Variants in DLGAP2 observed in about 807,000 individuals in gnomAD.
DLGAP2 encodes the protein disks large-associated protein 2.
A neutral mutation model predicts 100.3 loss-of-function variants in DLGAP2; 26 were observed. The observed-to-expected ratio is 0.26, with a 90% CI of 0.19 to 0.36. DLGAP2 has a LOEUF of 0.36. Among genes scored for constraint, DLGAP2 ranks in the 10% least tolerant of loss-of-function variants. The probability of loss-of-function intolerance (pLI) is 1.00; values close to 1 mark genes in which losing one functional copy is unlikely to be tolerated. For synonymous variants in DLGAP2, 886 were observed against 630.1 expected, an observed-to-expected ratio of 1.41 and a Z score of -6.08; for missense variants, 1,858 against 1,453.2, an observed-to-expected ratio of 1.28 and a Z score of -4.53.
rs1821002853 is a variant in DLGAP2, at chr8:759,140, T to TTTCCCATTATCAATACCCCCGACAGCC, written c.18+21335_18+21336insGACAGCCTTCCCATTATCAATACCCCC. ...TCCCATTATCAATACCCCTGACAGC[T>TTTCCCATTATCAATACCCCCGACAGCC]TTCCCATTATCAATACCCCCCACAG... On this transcript the variant is annotated intron_variant, in intron 1 of 14. Transcript: ENST00000637795. Among the ~76,000 whole-genome samples, 3 of 9,204 alleles carry TTTCCCATTATCAATACCCCCGACAGCC rather than the reference T, an allele frequency of 3.3e-4. 1 individual carries two copies. The highest frequency in any genetic ancestry group is 1.7e-3 in the Admixed American group (1 of 580). 6.0% of individuals were successfully genotyped at this position (9,204 alleles called of 152,430 possible).
chr8:967,210 C>G (rs10100906), intron 2 of DLGAP2, among the ~76,000 whole-genome samples: 51,256 of 152,190 alleles, frequency 0.34, 10,507 homozygotes, highest in Admixed American at 0.51. Flanking sequence ...CGTTTAAACA[C>G]TTCCTTACTG....
chr8:1,673,727 G>A (rs1412979431), intron 10 of DLGAP2, among the ~76,000 whole-genome samples: 2 of 152,168 alleles, frequency 1.3e-5, no homozygotes, highest in African/African-American at 2.4e-5. Context: ...AAACAAGGAA[G>A]CAAAGATTCA....
At chr8:1,679,955 G>A (rs540110329) in intron 12 of DLGAP2, among the ~76,000 whole-genome samples, 196 of 135,942 alleles carry the variant, frequency 1.4e-3, no homozygotes, top group Middle Eastern at 6.0e-3. Context: ...ACTCCAGCCT[G>A]GGCAACAGAA....
chr8:1,003,399 C>G (rs1347486589), intron 2 of DLGAP2: 2 of 152,200 alleles, frequency 1.3e-5, no homozygotes, highest in African/African-American at 4.8e-5. Context: ...GTGCAGTGAT[C>G]CTGCCACATG....
chr8:1,237,149 C>G (rs1190029742), intron 2 of DLGAP2, among the ~76,000 whole-genome samples: 1 of 139,166 alleles, frequency 7.2e-6, no homozygotes, highest in Admixed American at 6.9e-5. Flanking sequence ...CTAGTTCTCT[C>G]ACATGGCGCC....
At chr8:1,193,290 C>T (rs963447081) in intron 2 of DLGAP2, among the ~76,000 whole-genome samples, 6 of 152,222 alleles carry the variant, frequency 3.9e-5, no homozygotes, top group Non-Finnish European at 4.4e-5. Context: ...GTCCCACCAA[C>T]AGTGTAAAAG....
intron 1 of DLGAP2, among the ~76,000 whole-genome samples, chr8:766,601 C>G (rs1023261544): frequency 1.3e-5 from 2 of 152,190 alleles, no homozygotes; most frequent in South Asian, 2.1e-4. Context: ...CAGCATTTCT[C>G]TCTGGGCAAG....
chr8:1,220,695 T>A (rs1466964338), intron 2 of DLGAP2, among the ~76,000 whole-genome samples: 1 of 152,246 alleles, frequency 6.6e-6, no homozygotes, highest in Non-Finnish European at 1.5e-5. Context: ...ACACTGTCAG[T>A]GAGATGTTAA....
At chr8:849,464 G>C (rs778499538) in intron 1 of DLGAP2, among the ~76,000 whole-genome samples, 1 of 152,188 alleles carries the variant, frequency 6.6e-6, no homozygotes, top group Non-Finnish European at 1.5e-5. Context: ...CATTTAGTTC[G>C]ATGCCTGGGA....
chr8:1,556,641 G>C (rs528802137), intron 5 of DLGAP2, among the ~76,000 whole-genome samples: 1 of 152,326 alleles, frequency 6.6e-6, no homozygotes, highest in East Asian at 1.9e-4. Context: ...GCTCAGGCCG[G>C]TGAACTGCAA....
chr8:1,417,462 A>C (rs947409805), intron 3 of DLGAP2, among the ~76,000 whole-genome samples: 1 of 152,186 alleles, frequency 6.6e-6, no homozygotes, highest in Non-Finnish European at 1.5e-5. Context: ...GTGTTCTCTT[A>C]CTGTGAAGGT....
At chr8:1,514,152 T>G (rs1310616069) in intron 4 of DLGAP2, among the ~76,000 whole-genome samples, 1 of 152,252 alleles carries the variant, frequency 6.6e-6, no homozygotes, top group Non-Finnish European at 1.5e-5. Flanking sequence ...CTGCACCCAA[T>G]TAGACATCTA....
At chr8:1,693,601 G>A (rs538454137) in intron 13 of DLGAP2, among the ~76,000 whole-genome samples, 1 of 152,260 alleles carries the variant, frequency 6.6e-6, no homozygotes, top group African/African-American at 2.4e-5. Flanking sequence ...TCACGTGCAA[G>A]GAGACATAAG....
At chr8:1,011,764 G>T (rs150157713) in intron 2 of DLGAP2, among the ~76,000 whole-genome samples, 1,319 of 77,768 alleles carry the variant, frequency 0.017, no homozygotes, top group Middle Eastern at 0.038. Flanking sequence ...GTGGGCCCTG[G>T]AATGAGGGGT....
intron 2 of DLGAP2, among the ~76,000 whole-genome samples, chr8:985,216 G>C (rs1769205736): frequency 6.6e-6 from 1 of 152,182 alleles, no homozygotes; most frequent in African/African-American, 2.4e-5. Context: ...AATGAGTCAA[G>C]ATACAAGGTC....
intron 3 of DLGAP2, among the ~76,000 whole-genome samples, chr8:1,386,981 G>C (rs1425817628): frequency 6.6e-6 from 1 of 152,128 alleles, no homozygotes; most frequent in Non-Finnish European, 1.5e-5. Flanking sequence ...GATTCACATT[G>C]AATAATGTTT....
intron 4 of DLGAP2, among the ~76,000 whole-genome samples, chr8:1,530,341 A>G (rs938689790): frequency 2.0e-5 from 3 of 152,164 alleles, no homozygotes; most frequent in Non-Finnish European, 4.4e-5. Context: ...TTGAAAGAAG[A>G]GAAATATGGC....
chr8:1,241,262 T>C (rs1798789514), intron 2 of DLGAP2, among the ~76,000 whole-genome samples: 1 of 151,108 alleles, frequency 6.6e-6, no homozygotes. Flanking sequence ...CCATGTCTAG[T>C]TCTCTCACAT....
chr8:1,530,031 G>A (rs934628600), intron 4 of DLGAP2, among the ~76,000 whole-genome samples: 4 of 152,316 alleles, frequency 2.6e-5, no homozygotes, highest in South Asian at 2.1e-4. Context: ...GGACGGGAGC[G>A]AAATTAAAAT....
Sources: allele counts gnomAD v4.1 joint callset (sites outside exome capture counted in the v4.1 genomes callset), GRCh38; gene constraint gnomAD v4.1.1; transcripts MANE v1.5; gene names NCBI Gene and HGNC (gene_info 2026-07-23, HGNC 2026-07-21).